Variants in AGMO observed in about 807,000 individuals in gnomAD.
The protein encoded by AGMO is alkylglycerol monooxygenase.
In AGMO, 75 loss-of-function variants were observed where a neutral mutation model predicts 60.2. The ratio of observed to expected loss-of-function variants is 1.25; its 90% CI spans 1.03 to 1.51. The LOEUF (loss-of-function observed/expected upper bound fraction) is 1.51. Among genes scored for constraint, AGMO ranks in the 40% most tolerant of loss-of-function variants. AGMO has a pLI of 0.00. For missense variants in AGMO, 763 were observed against 525.5 expected, an observed-to-expected ratio of 1.45 and a Z score of -4.42; for synonymous variants, 261 against 177.1, an observed-to-expected ratio of 1.47 and a Z score of -3.76.
chr7:15,290,577 A>G (rs1255644220), intron 12 of AGMO, among the ~76,000 whole-genome samples: 1 of 152,188 alleles, frequency 6.6e-6, no homozygotes, highest in African/African-American at 2.4e-5. Context: ...CATCTTGAAC[A>G]TAAGGAACAG....
intron 12 of AGMO, among the ~76,000 whole-genome samples, chr7:15,341,709 G>T (rs541315541): frequency 6.6e-6 from 1 of 152,100 alleles, no homozygotes; most frequent in East Asian, 1.9e-4. Context: ...ATACCTGAGA[G>T]AGTGGGTAAT....
intron 12 of AGMO, among the ~76,000 whole-genome samples, chr7:15,215,446 C>A (rs577901014): frequency 6.6e-6 from 1 of 151,806 alleles, no homozygotes; most frequent in South Asian, 2.1e-4. Context: ...AGTTGTACAC[C>A]GGAATTCTCC....
At chr7:15,266,889 CAGTA>C (rs900036268) in intron 12 of AGMO, among the ~76,000 whole-genome samples, 2 of 151,940 alleles carry the variant, frequency 1.3e-5, no homozygotes, top group African/African-American at 4.8e-5. Context: ...CTACTACTAT[CAGTA>C]ATCTCAAACT....
intron 3 of AGMO, among the ~76,000 whole-genome samples, chr7:15,465,174 A>C (rs1782247644): frequency 1.3e-5 from 2 of 151,930 alleles, no homozygotes; most frequent in Non-Finnish European, 2.9e-5. Flanking sequence ...ACTTTCGACA[A>C]GCTAAGGATT....
chr7:15,209,161 G>A (rs1008716958), intron 12 of AGMO, among the ~76,000 whole-genome samples: 11 of 152,240 alleles, frequency 7.2e-5, no homozygotes, highest in African/African-American at 2.4e-4. Flanking sequence ...GTATTCCAAA[G>A]AGCAAAATGT....
At chr7:15,402,434 A>G (rs1171699675) in intron 5 of AGMO, among the ~76,000 whole-genome samples, 1 of 151,648 alleles carries the variant, frequency 6.6e-6, no homozygotes, top group African/African-American at 2.4e-5. Flanking sequence ...AAAGATCTTT[A>G]TAATTCACTA....
At chr7:15,255,662 T>C (rs1397333099) in intron 12 of AGMO, among the ~76,000 whole-genome samples, 1 of 152,202 alleles carries the variant, frequency 6.6e-6, no homozygotes, top group Non-Finnish European at 1.5e-5. Context: ...AAGATCTTCA[T>C]AATGATCAAA....
At chr7:15,360,672 G>A (rs906108375) in intron 12 of AGMO, among the ~76,000 whole-genome samples, 1 of 151,812 alleles carries the variant, frequency 6.6e-6, no homozygotes, top group Non-Finnish European at 1.5e-5. Flanking sequence ...TGTAAGGGGA[G>A]GCCGGAGAGA....
At chr7:15,238,890 C>T (rs1371604584) in intron 12 of AGMO, among the ~76,000 whole-genome samples, 2 of 151,834 alleles carry the variant, frequency 1.3e-5, no homozygotes, top group Admixed American at 6.6e-5. Context: ...TAATATGTAC[C>T]CCCATTACTA....
intron 12 of AGMO, among the ~76,000 whole-genome samples, chr7:15,337,729 T>C (rs149697120): frequency 6.0e-4 from 91 of 152,324 alleles, no homozygotes; most frequent in African/African-American, 2.1e-3. Flanking sequence ...AAAATCTCTG[T>C]GGCAGTCTTT....
chr7:15,541,911 A>C (rs958699009), intron 3 of AGMO, among the ~76,000 whole-genome samples: 3 of 152,198 alleles, frequency 2.0e-5, no homozygotes, highest in Non-Finnish European at 4.4e-5. Flanking sequence ...GAAGTAGTGA[A>C]AGGAAAGTAA....
chr7:15,176,180 A>G, the AGMO span, among the ~76,000 whole-genome samples: 1 of 152,022 alleles, frequency 6.6e-6, no homozygotes, highest in Non-Finnish European at 1.5e-5. Flanking sequence ...AAGCAAACAC[A>G]TACAGTCATT....
At chr7:15,447,299 T>C (rs1027274752) in intron 3 of AGMO, among the ~76,000 whole-genome samples, 14 of 152,192 alleles carry the variant, frequency 9.2e-5, no homozygotes, top group African/African-American at 3.1e-4. Context: ...ATTGTCAGTA[T>C]GCATTTTAGA....
intron 12 of AGMO, among the ~76,000 whole-genome samples, chr7:15,275,715 T>C (rs1439973222): frequency 6.6e-6 from 1 of 152,152 alleles, no homozygotes; most frequent in Non-Finnish European, 1.5e-5. Flanking sequence ...AATCTGGGTT[T>C]TCTGGTGTTG....
the AGMO span, among the ~76,000 whole-genome samples, chr7:15,118,876 A>ATTTTTTT: frequency 2.2e-4 from 18 of 81,760 alleles, 2 homozygotes; most frequent in East Asian, 2.2e-3. Context: ...AGACGTCAGT[A>ATTTTTTT]TTTTTTTTTT....
At chr7:15,221,427 A>C (rs528121308) in intron 12 of AGMO, among the ~76,000 whole-genome samples, 1 of 151,530 alleles carries the variant, frequency 6.6e-6, no homozygotes, top group African/African-American at 2.4e-5. Flanking sequence ...GACACGGCTA[A>C]AAAAAAAATT....
chr7:15,443,370 G>C (rs1303159346), intron 3 of AGMO, among the ~76,000 whole-genome samples: 1 of 152,152 alleles, frequency 6.6e-6, no homozygotes, highest in Non-Finnish European at 1.5e-5. Context: ...TGAGCAGCAG[G>C]GCACCAAAGA....
chr7:15,396,003 C>T (rs1166217704), intron 5 of AGMO: 1 of 151,898 alleles, frequency 6.6e-6, no homozygotes, highest in Non-Finnish European at 1.5e-5. Context: ...GGACAGGAGC[C>T]ATCATCATCA....
At chr7:15,434,131 G>C (rs1781332874) in intron 3 of AGMO, among the ~76,000 whole-genome samples, 1 of 151,998 alleles carries the variant, frequency 6.6e-6, no homozygotes. Context: ...CAGACTTCAA[G>C]ATGGCTCCCT....
Sources: gnomAD v4.1 joint callset for allele counts (sites outside exome capture counted in the v4.1 genomes callset) on GRCh38, gnomAD v4.1.1 for gene constraint, MANE v1.5 for transcripts, NCBI Gene and HGNC (gene_info 2026-07-23, HGNC 2026-07-21) for gene names.